Variants in FGD4 observed in about 807,000 individuals in gnomAD.
FGD4 encodes the protein FYVE, RhoGEF and PH domain-containing protein 4.
FGD4 carries 42 observed loss-of-function variants against 102.0 expected under a neutral mutation model. That is an observed-to-expected ratio of 0.41 (90% CI 0.32 to 0.53). The LOEUF (loss-of-function observed/expected upper bound fraction) is 0.53, where lower values mean the gene tolerates loss of function less well. FGD4 is among the 20% of genes least tolerant of loss of function. FGD4 has a pLI of 0.21. For synonymous variants in FGD4, 380 were observed against 375.7 expected, an observed-to-expected ratio of 1.01 and a Z score of -0.13; for missense variants, 902 against 1,078.2, an observed-to-expected ratio of 0.84 and a Z score of 2.29.
rs145834532 is a variant in FGD4, at chr12:32,598,678, A to G, written c.1101+92A>G. 16 of 1,088,662 alleles carry G rather than the reference A, an allele frequency of 1.5e-5. No individual in the cohort carries two copies. In the East Asian group the frequency reaches 3.8e-4, roughly 26 times the overall value. 67.4% of individuals were successfully genotyped at this position (1,088,662 alleles called of 1,614,324 possible). On this transcript the variant is annotated intron_variant, in intron 5 of 16. Coordinates refer to ENST00000534526, the MANE Select transcript of FGD4 (RefSeq NM_001370298.3). ...GAGTATTTTAGAAACTGCATGAAGG[A>G]AGGGCCTGTTTTTGGCTAGTGAAAG...
intron 1 of FGD4, among the ~76,000 whole-genome samples, chr12:32,552,117 T>C (rs1234632959): frequency 2.6e-5 from 4 of 152,224 alleles, no homozygotes; most frequent in Non-Finnish European, 4.4e-5. Flanking sequence ...TCAACTAGAA[T>C]TGCCTTTTGT....
Position 32,640,607 on chromosome 12 carries a change from AT to A in FGD4, c.*75del. On this transcript the variant is annotated 3_prime_UTR_variant, in exon 17 of 17. Coordinates refer to ENST00000534526, the MANE Select transcript of FGD4 (RefSeq NM_001370298.3). The stretch of plus-strand genomic sequence containing the variant: ...AAGACATTCCCAGCTCTTCTTACAC[AT>A]CTGCTAGCACTTTATGTTGAAAAAT... The A allele has an allele frequency of 1.2e-6, 2 of 1,601,448 alleles. No homozygotes were observed. Among genetic ancestry groups the A allele is most frequent in the African/African-American group, 2.7e-5 (2 of 74,784 alleles).
At chr12:32,445,972 G>A (rs1942599717) in intron 1 of FGD4, among the ~76,000 whole-genome samples, 1 of 152,154 alleles carries the variant, frequency 6.6e-6, no homozygotes, top group African/African-American at 2.4e-5. Flanking sequence ...TTCGAGACCA[G>A]CCTTGGCAAC....
At chr12:32,602,119 A>G in intron 6 of FGD4, 42 bp from the exon 7 acceptor site, 1 of 1,607,748 alleles carries the variant, frequency 6.2e-7, no homozygotes, top group Non-Finnish European at 8.5e-7. Context: ...TGTCTCAAAA[A>G]AAAATTTTTT....
At chr12:32,601,882 G>A (rs1450575192) in intron 6 of FGD4, among the ~76,000 whole-genome samples, 3 of 152,148 alleles carry the variant, frequency 2.0e-5, no homozygotes, top group African/African-American at 7.2e-5. Context: ...CAAGGCAGGC[G>A]GATCCCTTGA....
At chr12:32,617,633 G>C (rs1949527354) in intron 10 of FGD4, among the ~76,000 whole-genome samples, 1 of 152,170 alleles carries the variant, frequency 6.6e-6, no homozygotes, top group Non-Finnish European at 1.5e-5. Context: ...TCTAAGCTAT[G>C]GGCATGAAAT....
chr12:32,458,233 G>C (rs1943000217), intron 1 of FGD4, among the ~76,000 whole-genome samples: 1 of 151,564 alleles, frequency 6.6e-6, no homozygotes, highest in Non-Finnish European at 1.5e-5. Context: ...TCAGTACTGT[G>C]ATCATTGCTC....
intron 1 of FGD4, among the ~76,000 whole-genome samples, chr12:32,540,235 T>G (rs1011897275): frequency 1.8e-4 from 28 of 152,268 alleles, no homozygotes; most frequent in Admixed American, 4.6e-4. Context: ...CTAAATGCAG[T>G]GACTATGAGA....
At chr12:32,541,093 T>C (rs1361892086) in intron 1 of FGD4, among the ~76,000 whole-genome samples, 1 of 150,122 alleles carries the variant, frequency 6.7e-6, no homozygotes, top group African/African-American at 2.4e-5. Flanking sequence ...TTATCTTTGA[T>C]TAACTGGTTC....
intron 1 of FGD4, among the ~76,000 whole-genome samples, chr12:32,440,580 C>T (rs1371315501): frequency 6.6e-6 from 1 of 152,144 alleles, no homozygotes; most frequent in African/African-American, 2.4e-5. Context: ...TAACTGAACC[C>T]CTGTGGCCAC....
intron 4 of FGD4, among the ~76,000 whole-genome samples, chr12:32,590,870 G>A (rs1947418036): frequency 6.6e-6 from 1 of 152,156 alleles, no homozygotes; most frequent in Non-Finnish European, 1.5e-5. Context: ...AGAATCTGCA[G>A]AACTTTGGAA....
intron 1 of FGD4, among the ~76,000 whole-genome samples, chr12:32,551,014 T>C (rs1315432297): frequency 1.3e-5 from 2 of 152,230 alleles, no homozygotes; most frequent in African/African-American, 4.8e-5. Context: ...ACAAGGTCCA[T>C]ACATTTGTAA....
At chr12:32,473,134 C>T (rs1239690833) in intron 1 of FGD4, among the ~76,000 whole-genome samples, 1 of 151,882 alleles carries the variant, frequency 6.6e-6, no homozygotes, top group Non-Finnish European at 1.5e-5. Context: ...GGATTGTAAA[C>T]GCACCAATCA....
intron 1 of FGD4, among the ~76,000 whole-genome samples, chr12:32,480,327 A>C (rs544520179): frequency 6.6e-5 from 10 of 151,338 alleles, no homozygotes; most frequent in Admixed American, 6.6e-4. Flanking sequence ...ATGCCCAGCT[A>C]ATTTTTTTGT....
chr12:32,567,275 G>A (rs1945261848), intron 2 of FGD4, among the ~76,000 whole-genome samples: 2 of 152,052 alleles, frequency 1.3e-5, no homozygotes, highest in African/African-American at 4.8e-5. Flanking sequence ...CAACTGTCTT[G>A]GTAAATTCCT....
At chr12:32,567,584 T>C (rs1592248780) in intron 2 of FGD4, among the ~76,000 whole-genome samples, 1 of 152,096 alleles carries the variant, frequency 6.6e-6, no homozygotes, top group African/African-American at 2.4e-5. Flanking sequence ...TATCAGTTGC[T>C]GCATTTGCAA....
intron 1 of FGD4, chr12:32,534,552 A>C: frequency 9.2e-7 from 1 of 1,090,012 alleles, no homozygotes; most frequent in Non-Finnish European, 1.2e-6. Context: ...AGCGTGGGTC[A>C]CTTTATAACA....
intron 14 of FGD4, among the ~76,000 whole-genome samples, chr12:32,627,201 C>A (rs930473306): frequency 3.3e-5 from 5 of 150,430 alleles, no homozygotes; most frequent in Admixed American, 1.3e-4. Context: ...ATCGCCCAGG[C>A]TGGAGTGCAA....
chr12:32,545,677 A>G (rs1943175659), intron 1 of FGD4, among the ~76,000 whole-genome samples: 1 of 152,184 alleles, frequency 6.6e-6, no homozygotes, highest in Non-Finnish European at 1.5e-5. Context: ...TTGGCTCCTT[A>G]AGAGTAGGCT....
Sources: gnomAD v4.1 joint callset for allele counts (sites outside exome capture counted in the v4.1 genomes callset) on GRCh38, gnomAD v4.1.1 for gene constraint, MANE v1.5 for transcripts, NCBI Gene and HGNC (gene_info 2026-07-23, HGNC 2026-07-21) for gene names.